The following MACROD2 variants were observed in gnomAD, a reference collection of about 807,000 sequenced individuals.
MACROD2 encodes the protein mono-ADP ribosylhydrolase 2.
MACROD2 carries 36 observed loss-of-function variants against 70.4 expected under a neutral mutation model. The observed-to-expected ratio is 0.51, with a 90% CI of 0.39 to 0.68. MACROD2 has a LOEUF of 0.68. Ranked by LOEUF, MACROD2 falls within the 30% of genes least tolerant of loss-of-function variation. The pLI is 0.00. For synonymous variants in MACROD2, 172 were observed against 178.8 expected, an observed-to-expected ratio of 0.96 and a Z score of 0.30; for missense variants, 496 against 538.4, an observed-to-expected ratio of 0.92 and a Z score of 0.78.
chr20:15,799,699 C>T (rs964888626), intron 8 of MACROD2, among the ~76,000 whole-genome samples: 1 of 152,190 alleles, frequency 6.6e-6, no homozygotes, highest in Admixed American at 6.5e-5. Flanking sequence ...CGTTAATGGA[C>T]AGTAAGGTTG....
At chr20:14,947,166 C>T (rs183122389) in intron 5 of MACROD2, among the ~76,000 whole-genome samples, 2 of 152,284 alleles carry the variant, frequency 1.3e-5, no homozygotes, top group East Asian at 1.9e-4. Flanking sequence ...ACAGATTCGC[C>T]GAGCAAGCTG....
intron 3 of MACROD2, among the ~76,000 whole-genome samples, chr20:14,131,574 TC>T (rs1310095738): frequency 6.6e-6 from 1 of 152,222 alleles, no homozygotes; most frequent in East Asian, 1.9e-4. Context: ...CCACTTGAAA[TC>T]CGGTTAGTTT....
intron 3 of MACROD2, among the ~76,000 whole-genome samples, chr20:14,277,695 C>G (rs1023038988): frequency 7.3e-5 from 11 of 151,108 alleles, no homozygotes; most frequent in Admixed American, 7.2e-4. Flanking sequence ...GCATTGTACT[C>G]TTAAAAAAAA....
chr20:15,338,467 T>C (rs964845323), intron 6 of MACROD2, among the ~76,000 whole-genome samples: 2 of 151,264 alleles, frequency 1.3e-5, no homozygotes, highest in African/African-American at 4.9e-5. Context: ...TTTTTTTTTC[T>C]CCTTAGGTCT....
intron 5 of MACROD2, chr20:14,850,177 G>A (rs2073185275): frequency 6.5e-6 from 2 of 309,298 alleles, no homozygotes; most frequent in South Asian, 2.7e-5. Context: ...TTGTTTAGCT[G>A]GAAAACAAAA....
Position 15,964,069 on chromosome 20 carries a change from T to C in MACROD2, c.908-3484T>C, listed in dbSNP as rs140271833. Among the ~76,000 whole-genome samples the C allele has an allele frequency of 7.1e-3, 1,089 of 152,312 alleles. 7 individuals carry two copies. Among genetic ancestry groups the C allele is most frequent in the Non-Finnish European group, 0.01 (701 of 68,016 alleles). On this transcript the variant is annotated intron_variant, in intron 12 of 17. Transcript: ENST00000684519. ...ATCTCAGAATTAGGTGATAACTGTT[T>C]TACATGTTTTTGAACATTACCAAAT...
chr20:14,997,930 A>G (rs1326220308), intron 5 of MACROD2, among the ~76,000 whole-genome samples: 1 of 152,186 alleles, frequency 6.6e-6, no homozygotes, highest in African/African-American at 2.4e-5. Flanking sequence ...GGCAGAGAGT[A>G]AGGGGAGAGA....
At chr20:14,918,642 A>C (rs974804894) in intron 5 of MACROD2, among the ~76,000 whole-genome samples, 1 of 97,648 alleles carries the variant, frequency 1.0e-5, no homozygotes, top group African/African-American at 4.0e-5. Context: ...TCTGGAGTTT[A>C]TTAGCAAATG....
At chr20:14,172,981 C>A (rs1055358083) in intron 3 of MACROD2, among the ~76,000 whole-genome samples, 1 of 152,210 alleles carries the variant, frequency 6.6e-6, no homozygotes, top group Non-Finnish European at 1.5e-5. Flanking sequence ...CCAATCACTT[C>A]TAGCTTGTAG....
chr20:15,624,407 A>G lies in MACROD2; in HGVS notation c.645+124560A>G, dbSNP rs559433285. Among the ~76,000 whole-genome samples, 5 of 152,330 alleles carry G rather than the reference A, an allele frequency of 3.3e-5. No homozygotes were observed. In the South Asian group the frequency reaches 6.2e-4, roughly 19 times the overall value. ...ATACTTTGCATCCTTTAATCCAATC[A>G]AGTTGACACTTAATATTAACCATCA... is the stretch of plus-strand genomic sequence containing the variant. On this transcript the variant is annotated intron_variant, in intron 8 of 17. Coordinates refer to ENST00000684519, the MANE Select transcript of MACROD2 (RefSeq NM_001351661.2).
chr20:15,703,480 C>T (rs1237839094), intron 8 of MACROD2, among the ~76,000 whole-genome samples: 1 of 152,196 alleles, frequency 6.6e-6, no homozygotes, highest in Non-Finnish European at 1.5e-5. Flanking sequence ...TCTATAAACT[C>T]TCCACTAAAG....
At chr20:15,217,319 G>A (rs892382651) in intron 5 of MACROD2, among the ~76,000 whole-genome samples, 1 of 152,072 alleles carries the variant, frequency 6.6e-6, no homozygotes, top group African/African-American at 2.4e-5. Context: ...CACATGCCAG[G>A]TACTCGACTT....
At chr20:14,644,955 T>C (rs1297362218) in intron 4 of MACROD2, among the ~76,000 whole-genome samples, 5 of 152,172 alleles carry the variant, frequency 3.3e-5, no homozygotes, top group Non-Finnish European at 7.3e-5. Flanking sequence ...TACAGGATAC[T>C]ACATTCTGAT....
At chr20:14,490,094 C>T (rs1442207094) in intron 3 of MACROD2, among the ~76,000 whole-genome samples, 1 of 151,964 alleles carries the variant, frequency 6.6e-6, no homozygotes, top group African/African-American at 2.4e-5. Flanking sequence ...TTCATTTAGG[C>T]TAATTATTCC....
chr20:14,848,176 C>T (rs947796362), intron 5 of MACROD2, among the ~76,000 whole-genome samples: 1 of 152,138 alleles, frequency 6.6e-6, no homozygotes, highest in African/African-American at 2.4e-5. Flanking sequence ...GTAGGTGAAA[C>T]AATGCTTCCC....
intron 3 of MACROD2, among the ~76,000 whole-genome samples, chr20:14,475,165 G>A (rs892667096): frequency 1.3e-4 from 20 of 151,682 alleles, no homozygotes; most frequent in African/African-American, 4.6e-4. Flanking sequence ...CTTGCATAAA[G>A]CATCTTACAG....
chr20:14,181,971 T>G, intron 3 of MACROD2, among the ~76,000 whole-genome samples: 1 of 152,244 alleles, frequency 6.6e-6, no homozygotes, highest in Admixed American at 6.5e-5. Context: ...AGATTTTGTG[T>G]GGATATCTTT....
At chr20:15,622,619 A>T (rs1323362685) in intron 8 of MACROD2, among the ~76,000 whole-genome samples, 3 of 152,152 alleles carry the variant, frequency 2.0e-5, no homozygotes, top group Non-Finnish European at 4.4e-5. Flanking sequence ...CACTACTCAG[A>T]ACAGTGTGCA....
intron 5 of MACROD2, among the ~76,000 whole-genome samples, chr20:14,861,872 C>G (rs1466460538): frequency 7.0e-6 from 1 of 142,760 alleles, no homozygotes; most frequent in Non-Finnish European, 1.5e-5. Flanking sequence ...ACCCCAAGGT[C>G]CACTGGGATG....
Sources: allele counts gnomAD v4.1 joint callset (sites outside exome capture counted in the v4.1 genomes callset), GRCh38; gene constraint gnomAD v4.1.1; transcripts MANE v1.5; gene names NCBI Gene and HGNC (gene_info 2026-07-23, HGNC 2026-07-21).